The following HKDC1 variants were observed in gnomAD, a reference collection of about 807,000 sequenced individuals.
HKDC1 encodes the protein hexokinase HKDC1.
HKDC1 carries 66 observed loss-of-function variants against 96.6 expected under a neutral mutation model. The ratio of observed to expected loss-of-function variants is 0.68; its 90% CI spans 0.56 to 0.84. The LOEUF is 0.84. Ranked by LOEUF, HKDC1 falls within the 40% of genes least tolerant of loss-of-function variation. The pLI is 0.00. For synonymous variants in HKDC1, 466 were observed against 473.1 expected (o/e 0.98, Z 0.20); for missense variants, 1,211 against 1,208.1 (o/e 1.00, Z -0.04).
chr10:69,234,424 AT>A (rs1328875552), intron 4 of HKDC1, among the ~76,000 whole-genome samples: 2 of 151,858 alleles, frequency 1.3e-5, no homozygotes, highest in Non-Finnish European at 2.9e-5. Context: ...ATTTATTTTT[AT>A]TTTTTTCTTT....
rs183615372 is a variant in HKDC1 at position 69,236,737 on chromosome 10, G to A, written c.496-2305G>A. On this transcript the variant is annotated intron_variant, in intron 4 of 17. Coordinates refer to ENST00000354624, the MANE Select transcript of HKDC1 (RefSeq NM_025130.4). ...GGAGGTTGCAGTGAGCTGAGATGGC[G>A]CCACTGCACTCCAGCCTGGGCAACA... is the stretch of plus-strand genomic sequence containing the variant. 5.6e-3 allele frequency among the ~76,000 whole-genome samples: 844 copies of A among 150,690 alleles called. 16 individuals carry two copies. Among genetic ancestry groups the A allele is most frequent in the African/African-American group, 0.019 (796 of 41,024 alleles).
intron 6 of HKDC1, among the ~76,000 whole-genome samples, chr10:69,241,289 A>G (rs1027250409): frequency 2.0e-5 from 3 of 152,046 alleles, no homozygotes; most frequent in Non-Finnish European, 4.4e-5. Context: ...GGGGAACCCT[A>G]TAGCCGAGTG....
intron 12 of HKDC1, among the ~76,000 whole-genome samples, chr10:69,254,862 C>T (rs1258434741): frequency 6.6e-6 from 1 of 152,076 alleles, no homozygotes; most frequent in East Asian, 1.9e-4. Flanking sequence ...GAAAAAAATA[C>T]TAATAAATGG....
intron 4 of HKDC1, among the ~76,000 whole-genome samples, chr10:69,233,618 A>AGTGACAATGT: frequency 6.6e-6 from 1 of 151,752 alleles, no homozygotes; most frequent in East Asian, 2.0e-4. Context: ...GCACTGGAGG[A>AGTGACAATGT]CCAGGCGCGG....
chr10:69,255,878 T>A (rs142808103), intron 12 of HKDC1, among the ~76,000 whole-genome samples: 2 of 149,942 alleles, frequency 1.3e-5, no homozygotes, highest in East Asian at 3.9e-4. Context: ...GATCACACCA[T>A]TACACTCCAG....
chr10:69,220,398 A>C lies in HKDC1; in HGVS notation c.-38A>C, dbSNP rs1418056634. On this transcript the variant is annotated 5_prime_UTR_variant, in exon 1 of 18. Coordinates refer to ENST00000354624, the MANE Select transcript of HKDC1 (RefSeq NM_025130.4). Reference sequence around the variant, plus strand: ...TCGTAGGAGTGAACACTGCACAGGAATCTCTGCCCATCTCAGGAGAAACCA... The same window carrying C: ...TCGTAGGAGTGAACACTGCACAGGACTCTCTGCCCATCTCAGGAGAAACCA... 7 of 1,535,454 alleles carry C rather than the reference A, an allele frequency of 4.6e-6. No individual in the cohort carries two copies. Among genetic ancestry groups the C allele is most frequent in the Non-Finnish European group, 6.2e-6 (7 of 1,128,134 alleles).
At chr10:69,254,679 G>A (rs895966179) in intron 12 of HKDC1, among the ~76,000 whole-genome samples, 3 of 152,100 alleles carry the variant, frequency 2.0e-5, no homozygotes, top group African/African-American at 7.2e-5. Flanking sequence ...TATATTCAAG[G>A]AATATTTTGC....
At chr10:69,251,860 A>G (rs969295447) in intron 12 of HKDC1, among the ~76,000 whole-genome samples, 2 of 151,712 alleles carry the variant, frequency 1.3e-5, no homozygotes, top group Non-Finnish European at 2.9e-5. Flanking sequence ...CCCGGGTTCA[A>G]GTGATTCCCC....
chr10:69,243,497 T>TC, intron 7 of HKDC1, 132 bp downstream of exon 7: 2 of 713,474 alleles, frequency 2.8e-6, no homozygotes, highest in Non-Finnish European at 4.0e-6. Flanking sequence ...TTTTTCTTTT[T>TC]CCTTTTTTTT....
chr10:69,250,677 G>A (rs1025156780), intron 12 of HKDC1, 25 bp downstream of exon 12: 10 of 1,611,172 alleles, frequency 6.2e-6, no homozygotes, highest in African/African-American at 4.0e-5. Flanking sequence ...CCAGGCTCAC[G>A]GCCAGCCCAG....
chr10:69,224,643 T>A (rs1264647862), intron 1 of HKDC1, among the ~76,000 whole-genome samples: 1 of 152,216 alleles, frequency 6.6e-6, no homozygotes, highest in African/African-American at 2.4e-5. Flanking sequence ...GTTCTGGAAA[T>A]GAAAGCCCTG....
At chr10:69,227,664 A>G (rs1191159041) in intron 2 of HKDC1, among the ~76,000 whole-genome samples, 1 of 152,086 alleles carries the variant, frequency 6.6e-6, no homozygotes, top group Non-Finnish European at 1.5e-5. Context: ...TTTCCGTCTC[A>G]GCGTAGTGGT....
intron 16 of HKDC1, among the ~76,000 whole-genome samples, chr10:69,262,674 TA>T (rs752880162): frequency 1.3e-5 from 2 of 152,196 alleles, no homozygotes; most frequent in Admixed American, 6.5e-5. Flanking sequence ...ATGGGCTGTT[TA>T]AGGGGAGTTC....
chr10:69,241,611 G>A (rs1254601050), intron 6 of HKDC1, among the ~76,000 whole-genome samples: 1 of 152,160 alleles, frequency 6.6e-6, no homozygotes, highest in South Asian at 2.1e-4. Context: ...AGCCTCCTGA[G>A]TAGCTGGGAT....
chr10:69,254,027 A>G (rs1195593097), intron 12 of HKDC1, among the ~76,000 whole-genome samples: 2 of 152,252 alleles, frequency 1.3e-5, no homozygotes, highest in Non-Finnish European at 2.9e-5. Context: ...GTCCAGGGCC[A>G]GGAGCAGTGG....
intron 4 of HKDC1, among the ~76,000 whole-genome samples, chr10:69,234,235 C>T (rs1314968144): frequency 6.6e-6 from 1 of 152,102 alleles, no homozygotes; most frequent in Non-Finnish European, 1.5e-5. Flanking sequence ...TCACATGGAC[C>T]TCCTTGGGAT....
chr10:69,223,873 A>G (rs9663238), intron 1 of HKDC1, among the ~76,000 whole-genome samples: 77,655 of 148,836 alleles, frequency 0.52, 23,028 homozygotes, highest in Non-Finnish European at 0.67. Flanking sequence ...ATGAGCCACC[A>G]TGCCTGGCCT....
intron 4 of HKDC1, among the ~76,000 whole-genome samples, chr10:69,234,535 A>G (rs1331457493): frequency 6.6e-6 from 1 of 152,270 alleles, no homozygotes; most frequent in African/African-American, 2.4e-5. Flanking sequence ...GATTACAGGC[A>G]TGGGCCATTG....
At chr10:69,255,312 A>C (rs1377312990) in intron 12 of HKDC1, among the ~76,000 whole-genome samples, 1 of 152,234 alleles carries the variant, frequency 6.6e-6, no homozygotes, top group Non-Finnish European at 1.5e-5. Context: ...TGTCTCTCTA[A>C]TGTTCTACAC....
Sources: allele counts gnomAD v4.1 joint callset (sites outside exome capture counted in the v4.1 genomes callset), GRCh38; gene constraint gnomAD v4.1.1; transcripts MANE v1.5; gene names NCBI Gene and HGNC (gene_info 2026-07-23, HGNC 2026-07-21).